Variants in ABHD16A observed in about 807,000 individuals in gnomAD.
ABHD16A encodes phosphatidylserine lipase ABHD16A.
Under a neutral mutation model 89.8 loss-of-function variants are expected in ABHD16A, and 47 were observed. The observed-to-expected ratio is 0.52, with a 90% CI of 0.41 to 0.67. ABHD16A has a LOEUF of 0.67. ABHD16A is among the 30% of genes least tolerant of loss of function. ABHD16A has a pLI of 0.00. For missense variants in ABHD16A, 580 were observed against 734.6 expected, an observed-to-expected ratio of 0.79 and a Z score of 2.43; for synonymous variants, 251 against 280.4, an observed-to-expected ratio of 0.90 and a Z score of 1.05.
Position 31,688,663 on chromosome 6 carries a change from G to A in ABHD16A, c.1250+60C>T, listed in dbSNP as rs1294159110. 28 of 1,586,282 alleles carry A rather than the reference G, an allele frequency of 1.8e-5. No individual in the cohort carries two copies. The highest frequency in any genetic ancestry group is 6.8e-5 in the Admixed American group (4 of 58,916). On this transcript the variant is annotated intron_variant, in intron 14 of 19. Coordinates refer to ENST00000395952, the MANE Select transcript of ABHD16A (RefSeq NM_021160.3). The surrounding 1 kb of genome is among the most constrained non-coding windows in gnomAD (Gnocchi z 4.9). ...CTTTAGTACTAGTTTCAGGGTTTGA[G>A]CGCCCAGCAGAGCTGTATGGGGGGC... is the stretch of plus-strand genomic sequence containing the variant.
At chr6:31,697,115 G>C (rs1804474253) in intron 4 of ABHD16A, 82 bp from the exon 5 acceptor site, 4 of 1,255,766 alleles carry the variant, frequency 3.2e-6, no homozygotes, top group Non-Finnish European at 4.6e-6. Context: ...TTGGAGATGG[G>C]CTAGAAGAAG....
intron 9 of ABHD16A, chr6:31,691,348 G>A (rs1279856755): frequency 5.6e-6 from 3 of 532,188 alleles, no homozygotes; most frequent in Non-Finnish European, 1.0e-5. Flanking sequence ...GTGAAGTGCT[G>A]TCAAAGTGGT....
chr6:31,689,227 G>T, intron 12 of ABHD16A, 108 bp from the exon 13 acceptor site: 2 of 995,586 alleles, frequency 2.0e-6, no homozygotes, highest in Non-Finnish European at 3.0e-6. Context: ...TTCCCCCTAT[G>T]TTATCCCTTG....
At chr6:31,702,472 A>C in intron 1 of ABHD16A, 1 of 892,796 alleles carries the variant, frequency 1.1e-6, no homozygotes, top group East Asian at 2.9e-5. Flanking sequence ...ACACCTAGAC[A>C]ATCTAAGAAG....
intron 5 of ABHD16A, among the ~76,000 whole-genome samples, chr6:31,694,387 C>CTTTTTT (rs1190272819): frequency 0.12 from 9,504 of 77,468 alleles, 1,601 homozygotes; most frequent in African/African-American, 0.27. Flanking sequence ...GGAGCTGTGT[C>CTTTTTT]TTTTTTTTTT....
In ABHD16A at chr6:31,698,612, A is replaced by C. The variant is rs1328172315; in HGVS notation, c.344-1579T>G. Among the ~76,000 whole-genome samples the C allele has an allele frequency of 1.1e-4, 17 of 151,944 alleles. No individual in the cohort carries two copies. The highest frequency in any genetic ancestry group is 2.5e-4 in the Non-Finnish European group (17 of 67,992). ...GTGATTCTCCTGCCACAGCCTCCCA[A>C]ATAGCTGGGATTACAAGCGCCCGCC... On this transcript the variant is annotated intron_variant, in intron 4 of 19. Coordinates refer to ENST00000395952, the MANE Select transcript of ABHD16A (RefSeq NM_021160.3). The surrounding 1 kb of genome is among the most constrained non-coding windows in gnomAD (Gnocchi z 4.1).
intron 1 of ABHD16A, among the ~76,000 whole-genome samples, 165 bp from the exon 2 acceptor site, chr6:31,702,295 A>C (rs1157152272): frequency 6.6e-6 from 1 of 152,104 alleles, no homozygotes; most frequent in Non-Finnish European, 1.5e-5. Flanking sequence ...CTCACTCTGA[A>C]CCTAATTTCC....
In ABHD16A at chr6:31,687,297, T is replaced by C; in HGVS notation, c.1594-2A>G. On this transcript the variant is annotated splice_acceptor_variant, in intron 19 of 19. Transcript: ENST00000395952. LOFTEE classifies it high-confidence loss of function. This position sits in a 1 kb window ranked among gnomAD's most constrained non-coding sequence, Gnocchi z 6.3. ...AAAGTTGTGCAGATGCTTCCGAGCCTGAGGAAAGGAGGTGGGACAGGTGGG... is the reference window on the plus strand; with the variant it reads ...AAAGTTGTGCAGATGCTTCCGAGCCCGAGGAAAGGAGGTGGGACAGGTGGG... 6.2e-7 allele frequency: 1 copy of C among 1,612,812 alleles called. No homozygotes were observed. Among genetic ancestry groups the C allele is most frequent in the Admixed American group, 1.7e-5 (1 of 59,980 alleles).
chr6:31,692,921 T>G (rs1456150792), intron 7 of ABHD16A, 106 bp downstream of exon 7: 3 of 1,474,788 alleles, frequency 2.0e-6, no homozygotes, highest in Admixed American at 3.4e-5. Flanking sequence ...CATACAGCAC[T>G]AGGCCCAATG....
rs775453276 is a variant in ABHD16A at position 31,703,182 on chromosome 6, T to C, written c.100A>G (p.Thr34Ala). 3.8e-5 allele frequency: 55 copies of C among 1,436,256 alleles called. No individual in the cohort carries two copies. The highest frequency in any genetic ancestry group is 4.7e-5 in the Non-Finnish European group (51 of 1,088,228). The allele number at this position is 1,436,256 out of a possible 1,614,324, so 89.0% of individuals were successfully genotyped here. A position where few individuals can be genotyped will look rare whatever the true frequency, so the allele number is the denominator to read the frequency against. The change falls in exon 1 of 20, where the codon ACG becomes GCG. Residue 34 changes from threonine to alanine, a missense_variant. By Grantham distance (58) the Thr-to-Ala change is moderately conservative (BLOSUM62 0). Transcript: ENST00000395952. ...RAPASVPETP[T>A]AVTAPHSSSW... ...CTGGAATGGGGGGCAGTGACTGCCG[T>C]TGGCGTCTCAGGGACGCTGGCCGGG... is the stretch of plus-strand genomic sequence containing the variant.
At chr6:31,689,975 G>C (rs1163000400) in intron 11 of ABHD16A, 103 bp downstream of exon 11, 2 of 1,333,744 alleles carry the variant, frequency 1.5e-6, no homozygotes, top group Non-Finnish European at 2.0e-6. Flanking sequence ...AGGTGAGTGG[G>C]ACGCCTTCAA....
intron 4 of ABHD16A, among the ~76,000 whole-genome samples, chr6:31,699,408 C>CAAAAA (rs9281558): frequency 1.8e-5 from 1 of 54,272 alleles, no homozygotes; most frequent in Non-Finnish European, 4.0e-5. Flanking sequence ...GACTCCGTCT[C>CAAAAA]AAAAAAAAAA....
chr6:31,702,044 G>A (rs1756431941), intron 2 of ABHD16A, 30 bp downstream of exon 2: 2 of 1,612,430 alleles, frequency 1.2e-6, no homozygotes, highest in Non-Finnish European at 1.7e-6. Flanking sequence ...TCTGAAAGAT[G>A]CAGAGTCCCA....
chr6:31,696,100 C>T (rs1804364651), intron 5 of ABHD16A, among the ~76,000 whole-genome samples: 1 of 149,768 alleles, frequency 6.7e-6, no homozygotes, highest in Admixed American at 6.7e-5. Context: ...GGAGGCCGAG[C>T]TTGCAGTAAG....
chr6:31,700,957 C>T lies in ABHD16A; in HGVS notation c.328G>A (p.Val110Met), dbSNP rs1235090874. ...AGTLLLLLAG[V>M]ACLRGIGRWT... ...CTCCACCTACCTCGGAGGCAGGCCA[C>T]ACCTGCCAGAAGTAGCAGCAATGTC... Residue 110 changes from valine (V) to methionine (M), a missense_variant, in exon 4 of 20, where the codon GTG (valine) becomes ATG (methionine). Transcript: ENST00000395952. 1.2e-6 allele frequency: 2 copies of T among 1,613,904 alleles called. No individual in the cohort carries two copies. Among genetic ancestry groups the T allele is most frequent in the Non-Finnish European group, 1.7e-6 (2 of 1,179,886 alleles).
rs1331271160 is a variant in ABHD16A at position 31,688,075 on chromosome 6, C to G, written c.1336G>C (p.Gly446Arg). The change falls in exon 16 of 20, where the codon GGC becomes CGC. Residue 446 changes from glycine (G) to arginine (R), a missense_variant. By Grantham distance (125) the Gly-to-Arg change is moderately radical (BLOSUM62 -2). Around this residue, in one of 2 missense-constraint regions of ABHD16A, gnomAD observed 415 missense variants for 568.8 expected, o/e 0.73. Transcript: ENST00000395952. This position sits in a 1 kb window ranked among gnomAD's most constrained non-coding sequence, Gnocchi z 4.9. ...AGGAGCTTCAGCAGGAGGTCATTGC[C>G]TCGGTTGGACATGATGTCCTCAGGA... The part of the protein sequence containing the change: ...TVPEDIMSNR[G>R]NDLLLKLLQH... 4 of 1,613,088 alleles carry G rather than the reference C, an allele frequency of 2.5e-6. No homozygotes were observed. In the Admixed American group the frequency reaches 6.7e-5, roughly 27 times the overall value.
In ABHD16A at chr6:31,703,290, C is replaced by A; in HGVS notation, c.-9G>T. 7.4e-7 allele frequency: 1 copy of A among 1,343,604 alleles called. No individual in the cohort carries two copies. Among genetic ancestry groups the A allele is most frequent in the Non-Finnish European group, 9.7e-7 (1 of 1,035,702 alleles). 83.2% of individuals were successfully genotyped at this position (1,343,604 alleles called of 1,614,324 possible). A position where few individuals can be genotyped will look rare whatever the true frequency, so the allele number is the denominator to read the frequency against. On this transcript the variant is annotated 5_prime_UTR_variant, in exon 1 of 20. Transcript: ENST00000395952. ...CTCAGCAGCTTCGCCATGGCCCCGGCTCGGGCCGCTGCTCTTCCAGCAGCA... is the reference window on the plus strand; with the variant it reads ...CTCAGCAGCTTCGCCATGGCCCCGGATCGGGCCGCTGCTCTTCCAGCAGCA...
Position 31,691,594 on chromosome 6 carries a change from G to C in ABHD16A, c.828C>G (p.Pro276=). 6.2e-7 allele frequency: 1 copy of C among 1,612,936 alleles called. No homozygotes were observed. Among genetic ancestry groups the C allele is most frequent in the East Asian group, 2.2e-5 (1 of 44,876 alleles). ...TCCCTCTTACCAGCTTCTGTCCCTGGGGCTCAGCTGTCCCCCGCCGGTCCA... is the reference window on the plus strand; with the variant it reads ...TCCCTCTTACCAGCTTCTGTCCCTGCGGCTCAGCTGTCCCCCGCCGGTCCA... ...MFVDRRGTAE[P]QGQKLVICCE... The change falls in exon 9 of 20, where the codon CCC becomes CCG. Residue 276 remains proline (P), a synonymous_variant. Coordinates refer to ENST00000395952, the MANE Select transcript of ABHD16A (RefSeq NM_021160.3).
chr6:31,696,828 G>A (rs757367812), intron 5 of ABHD16A, 120 bp downstream of exon 5: 1 of 930,948 alleles, frequency 1.1e-6, no homozygotes, highest in Non-Finnish European at 1.7e-6. Context: ...CAAACACCCA[G>A]TGTGGTGGGT....
Sources: allele counts gnomAD v4.1 joint callset (sites outside exome capture counted in the v4.1 genomes callset), GRCh38; gene constraint gnomAD v4.1.1; regional missense constraint gnomAD v4.1.1; non-coding constraint Gnocchi (gnomAD v3.1); transcripts MANE v1.5; gene names NCBI Gene and HGNC (gene_info 2026-07-23, HGNC 2026-07-21).